The following ITGB1 variants were observed in gnomAD, a reference collection of about 807,000 sequenced individuals.
ITGB1 encodes integrin beta-1.
Under a neutral mutation model 86.5 loss-of-function variants are expected in ITGB1, and 24 were observed. That is an observed-to-expected ratio of 0.28 (90% confidence interval 0.20 to 0.39). The LOEUF (loss-of-function observed/expected upper bound fraction) is 0.39, where lower values mean the gene tolerates loss of function less well. Among genes scored for constraint, ITGB1 ranks in the 10% least tolerant of loss-of-function variants. The pLI, the probability that ITGB1 is intolerant of heterozygous loss-of-function variation, is 1.00. For synonymous variants in ITGB1, 323 were observed against 316.8 expected, an observed-to-expected ratio of 1.02 and a Z score of -0.21; for missense variants, 556 against 946.9, an observed-to-expected ratio of 0.59 and a Z score of 5.42.
chr10:32,951,896 C>CT (rs938237709), intron 1 of ITGB1: 3 of 152,192 alleles, frequency 2.0e-5, no homozygotes, highest in Non-Finnish European at 4.4e-5. Context: ...GAGAGCAAGA[C>CT]TTATTCCCCG....
At chr10:32,930,549 C>T (rs1466379454) in intron 3 of ITGB1, among the ~76,000 whole-genome samples, 1 of 152,030 alleles carries the variant, frequency 6.6e-6, no homozygotes, top group Non-Finnish European at 1.5e-5. Context: ...TTTAAAAGGA[C>T]AACACGAAAT....
At chr10:32,931,374 T>C (rs1441209125) in intron 3 of ITGB1, among the ~76,000 whole-genome samples, 4 of 152,136 alleles carry the variant, frequency 2.6e-5, no homozygotes, top group Non-Finnish European at 5.9e-5. Flanking sequence ...GTAGTCCCCA[T>C]AAAATGGATA....
At chr10:32,946,270 G>C (rs1227614067) in intron 1 of ITGB1, among the ~76,000 whole-genome samples, 2 of 152,206 alleles carry the variant, frequency 1.3e-5, no homozygotes, top group Non-Finnish European at 2.9e-5. Flanking sequence ...CATGCCTGCG[G>C]AATGTTCCCT....
chr10:32,905,112 G>A (rs1485925713), intron 15 of ITGB1, among the ~76,000 whole-genome samples: 2 of 150,394 alleles, frequency 1.3e-5, no homozygotes, highest in Non-Finnish European at 2.9e-5. Flanking sequence ...TTTCTGTAAA[G>A]TACTAAGTGA....
intron 9 of ITGB1, among the ~76,000 whole-genome samples, chr10:32,921,838 T>C (rs926347664): frequency 5.9e-5 from 9 of 151,746 alleles, no homozygotes; most frequent in African/African-American, 2.2e-4. Context: ...CCTCTGAATA[T>C]ATGGGAAGAG....
At chr10:32,943,609 G>A (rs964937662) in intron 1 of ITGB1, among the ~76,000 whole-genome samples, 1 of 152,124 alleles carries the variant, frequency 6.6e-6, no homozygotes, top group Admixed American at 6.5e-5. Flanking sequence ...AGTGAAAAGA[G>A]CTGGAACCTA....
At chr10:32,924,228 CCTTT>C (rs778598932) in intron 6 of ITGB1, among the ~76,000 whole-genome samples, 3 of 152,170 alleles carry the variant, frequency 2.0e-5, no homozygotes, top group Non-Finnish European at 4.4e-5. Context: ...TATGAGGCTT[CCTTT>C]TTTTATAACA....
chr10:32,925,551 G>A (rs1274050804), intron 6 of ITGB1, among the ~76,000 whole-genome samples: 1 of 152,156 alleles, frequency 6.6e-6, no homozygotes, highest in Non-Finnish European at 1.5e-5. Context: ...CAGAAAGTTA[G>A]GACACATGGG....
At chr10:32,923,503 A>G (rs1017436620) in intron 7 of ITGB1, 82 bp downstream of exon 7, 2 of 1,271,994 alleles carry the variant, frequency 1.6e-6, no homozygotes, top group East Asian at 5.0e-5. Context: ...AGAAACCCCA[A>G]GCCAGTCACC....
At chr10:32,944,722 C>T in intron 1 of ITGB1, 1 of 693,420 alleles carries the variant, frequency 1.4e-6, no homozygotes. Context: ...AAGTGATTAG[C>T]CCGAATGTGC....
chr10:32,911,338 TTATTTAC>T, intron 13 of ITGB1, 103 bp downstream of exon 13: 1 of 906,372 alleles, frequency 1.1e-6, no homozygotes, highest in Non-Finnish European at 1.7e-6. Flanking sequence ...GGCAGGCATT[TTATTTAC>T]AGTATATTTT....
intron 8 of ITGB1, 119 bp from the exon 9 acceptor site, chr10:32,922,465 G>C: frequency 1.2e-6 from 1 of 810,908 alleles, no homozygotes; most frequent in Non-Finnish European, 2.0e-6. Flanking sequence ...ACTAACTTTA[G>C]GAGTCAAACC....
At chr10:32,940,411 A>G (rs1160941062) in intron 1 of ITGB1, among the ~76,000 whole-genome samples, 1 of 152,192 alleles carries the variant, frequency 6.6e-6, no homozygotes, top group Non-Finnish European at 1.5e-5. Flanking sequence ...GTTGTTTATT[A>G]TCAAGTATTA....
intron 8 of ITGB1, 104 bp from the exon 9 acceptor site, chr10:32,922,450 T>C (rs113450489): frequency 1.2e-6 from 1 of 859,054 alleles, no homozygotes; most frequent in Admixed American, 2.3e-5. Flanking sequence ...CCATGTTTCC[T>C]CCTAACTAAC....
chr10:32,934,592 T>G (rs1419185399), intron 2 of ITGB1, among the ~76,000 whole-genome samples: 2 of 152,222 alleles, frequency 1.3e-5, no homozygotes, highest in Non-Finnish European at 2.9e-5. Flanking sequence ...GTTAAAAAAC[T>G]GTTGCTCATT....
rs1390614403 is a variant in ITGB1, at chr10:32,911,666, A to G, written c.1713T>C (p.Asn571=). ...DRSNGLICGG[N]GVCKCRVCEC... The stretch of plus-strand genomic sequence containing the variant: ...CACACACACGACACTTGCAAACACC[A>G]TTTCCTGCAATTAAGCATATCATTT... Residue 571 remains asparagine (N), a synonymous_variant, in exon 13 of 16, where the codon AAT becomes AAC. Transcript: ENST00000302278. 20 of 1,613,824 alleles carry G rather than the reference A, an allele frequency of 1.2e-5. No individual in the cohort carries two copies. Among genetic ancestry groups the G allele is most frequent in the Non-Finnish European group, 1.7e-5 (20 of 1,179,682 alleles).
rs1394167112 is a variant in ITGB1 at position 32,934,397 on chromosome 10, G to A, written c.67+1095C>T. Among the ~76,000 whole-genome samples the A allele has an allele frequency of 2.6e-5, 4 of 152,190 alleles. No individual in the cohort carries two copies. In the East Asian group the frequency reaches 7.7e-4, roughly 29 times the overall value. On this transcript the variant is annotated intron_variant, in intron 2 of 15. Transcript: ENST00000302278. ...TAAAGTATACAGGAGGATATGTGTA[G>A]GTTATATGCAAATATCATGCCATTT...
chr10:32,900,927 AAGT>A lies in ITGB1; in HGVS notation c.*640_*642del, dbSNP rs2094880269. ...GAAGGCATAAAAGTTACCAAACATT[AAGT>A]AACTCTTAAAATGGCACACAGGTTT... is the stretch of plus-strand genomic sequence containing the variant. On this transcript the variant is annotated 3_prime_UTR_variant, in exon 16 of 16. Transcript: ENST00000302278. 1 of 150,660 alleles carries A rather than the reference AAGT, an allele frequency of 6.6e-6. No individual in the cohort carries two copies. The highest frequency in any genetic ancestry group is 1.5e-5 in the Non-Finnish European group (1 of 67,416). The allele number at this position is 150,660 out of a possible 1,614,324, so 9.3% of individuals were successfully genotyped here. A position where few individuals can be genotyped will look rare whatever the true frequency, so the allele number is the denominator to read the frequency against.
At position 32,910,213 on chromosome 10, in the gene ITGB1, G is replaced by T; in HGVS notation, c.2164+10C>A. 6.3e-7 allele frequency: 1 copy of T among 1,577,946 alleles called. No homozygotes were observed. The highest frequency in any genetic ancestry group is 8.7e-7 in the Non-Finnish European group (1 of 1,147,772). The stretch of plus-strand genomic sequence containing the variant: ...TATGAAAAGAATGTCTGCAATCATC[G>T]CATTTCTACCTGGATTCTCCACAAC... On this transcript the variant is annotated intron_variant, in intron 14 of 15. Coordinates refer to ENST00000302278, the MANE Select transcript of ITGB1 (RefSeq NM_002211.4).
Sources: gnomAD v4.1 joint callset for allele counts (sites outside exome capture counted in the v4.1 genomes callset) on GRCh38, gnomAD v4.1.1 for gene constraint, MANE v1.5 for transcripts, NCBI Gene and HGNC (gene_info 2026-07-23, HGNC 2026-07-21) for gene names.